GRIN2B: variants seen among roughly 807,000 people sequenced by gnomAD.
GRIN2B encodes the protein glutamate ionotropic receptor NMDA type subunit 2B.
Under a neutral mutation model 114.5 loss-of-function variants are expected in GRIN2B, and 5 were observed. That is an observed-to-expected ratio of 0.04 (90% CI 0.02 to 0.09). GRIN2B has a LOEUF of 0.09. Among genes scored for constraint, GRIN2B ranks in the 10% least tolerant of loss-of-function variants. GRIN2B has a pLI of 1.00. For synonymous variants in GRIN2B, 787 were observed against 745.1 expected (o/e 1.06, Z -0.92); for missense variants, 1,108 against 1,943.5 (o/e 0.57, Z 8.08).
intron 5 of GRIN2B, among the ~76,000 whole-genome samples, chr12:13,654,475 T>A (rs1279855309): frequency 6.6e-6 from 1 of 152,164 alleles, no homozygotes; most frequent in East Asian, 1.9e-4. Context: ...AGAAACCCAT[T>A]GCTGACTCTG....
chr12:13,972,873 G>A (rs1369705205), intron 2 of GRIN2B, among the ~76,000 whole-genome samples: 4 of 152,156 alleles, frequency 2.6e-5, no homozygotes, highest in Non-Finnish European at 4.4e-5. Flanking sequence ...ACTATATTTG[G>A]TAGGTAAGTC....
chr12:13,900,331 T>C (rs1231167425), intron 2 of GRIN2B, among the ~76,000 whole-genome samples: 1 of 151,702 alleles, frequency 6.6e-6, no homozygotes, highest in Non-Finnish European at 1.5e-5. Flanking sequence ...AAAAATTAGC[T>C]GGTCATGGTG....
chr12:13,964,284 A>G (rs1867750505), intron 2 of GRIN2B, among the ~76,000 whole-genome samples: 1 of 152,152 alleles, frequency 6.6e-6, no homozygotes, highest in South Asian at 2.1e-4. Context: ...AGACACCATC[A>G]ATTCTGCCTT....
chr12:13,602,260 A>T (rs952469183), intron 10 of GRIN2B, among the ~76,000 whole-genome samples: 1 of 152,098 alleles, frequency 6.6e-6, no homozygotes, highest in Non-Finnish European at 1.5e-5. Flanking sequence ...GGCCAAGAGG[A>T]CTCCCATGCA....
intron 2 of GRIN2B, among the ~76,000 whole-genome samples, chr12:13,949,380 G>A (rs1442663150): frequency 6.6e-6 from 1 of 152,140 alleles, no homozygotes. Flanking sequence ...ATCAAAGGCA[G>A]AAACTTTCCT....
intron 2 of GRIN2B, among the ~76,000 whole-genome samples, chr12:13,872,667 T>C (rs568394401): frequency 4.6e-5 from 7 of 152,212 alleles, no homozygotes; most frequent in Middle Eastern, 3.4e-3. Flanking sequence ...CTAAGGGAAA[T>C]ATATATGATA....
intron 3 of GRIN2B, among the ~76,000 whole-genome samples, chr12:13,864,709 G>A (rs1055185281): frequency 2.0e-5 from 3 of 152,192 alleles, no homozygotes; most frequent in African/African-American, 7.2e-5. Context: ...TAGGGAATAA[G>A]CCCCAGTGTC....
intron 5 of GRIN2B, among the ~76,000 whole-genome samples, chr12:13,646,465 T>A (rs1193199670): frequency 6.6e-6 from 1 of 152,188 alleles, no homozygotes; most frequent in African/African-American, 2.4e-5. Context: ...CACACTGGGT[T>A]ACTGCCCTGT....
chr12:13,571,740 C>A, intron 11 of GRIN2B, 64 bp downstream of exon 11: 1 of 1,535,748 alleles, frequency 6.5e-7, no homozygotes, highest in Non-Finnish European at 9.0e-7. Context: ...GCATGTGATT[C>A]AATAGTATGC....
rs1406846741 is a variant in GRIN2B, at chr12:13,898,936, TACTACTACCACTATTACA to T, written c.-18-32728_-18-32711del. Among the ~76,000 whole-genome samples, 22 of 152,246 alleles carry T rather than the reference TACTACTACCACTATTACA, an allele frequency of 1.4e-4. No homozygotes were observed. In the East Asian group the frequency reaches 4.0e-3, roughly 28 times the overall value. On this transcript the variant is annotated intron_variant, in intron 2 of 13. Transcript: ENST00000609686. ...AAATAATAATAATAGCAACAACTAT[TACTACTACCACTATTACA>T]ACTACTACCACTACCAATTACTGAG...
intron 4 of GRIN2B, among the ~76,000 whole-genome samples, chr12:13,735,903 T>C (rs1015751182): frequency 2.6e-5 from 4 of 151,432 alleles, no homozygotes; most frequent in Admixed American, 6.6e-5. Flanking sequence ...CAGGATTTTT[T>C]TTTTTGGAAA....
chr12:13,752,550 AAAT>A (rs1314103477), intron 4 of GRIN2B, among the ~76,000 whole-genome samples: 1 of 152,196 alleles, frequency 6.6e-6, no homozygotes, highest in Non-Finnish European at 1.5e-5. Flanking sequence ...AGTTTTATAC[AAAT>A]AATAAAACCA....
chr12:13,730,346 A>G (rs1350871372), intron 4 of GRIN2B, among the ~76,000 whole-genome samples: 1 of 152,220 alleles, frequency 6.6e-6, no homozygotes, highest in Non-Finnish European at 1.5e-5. Flanking sequence ...TAGCCCAATA[A>G]AACAAGCAAA....
At chr12:13,636,320 C>G (rs375120246) in intron 5 of GRIN2B, among the ~76,000 whole-genome samples, 1 of 152,262 alleles carries the variant, frequency 6.6e-6, no homozygotes, top group African/African-American at 2.4e-5. Context: ...AGGGAGGACA[C>G]AGACCATGCT....
intron 4 of GRIN2B, among the ~76,000 whole-genome samples, chr12:13,704,609 A>T (rs1950342459): frequency 6.6e-6 from 1 of 151,976 alleles, no homozygotes; most frequent in African/African-American, 2.4e-5. Flanking sequence ...CCCAAATCCT[A>T]TTGGCACCAT....
chr12:13,953,125 G>T (rs1228640728), intron 2 of GRIN2B, among the ~76,000 whole-genome samples: 1 of 151,804 alleles, frequency 6.6e-6, no homozygotes, highest in African/African-American at 2.4e-5. Context: ...GCTCAGCCAG[G>T]ACCACTGACC....
At chr12:13,594,319 A>G (rs1453915572) in intron 10 of GRIN2B, among the ~76,000 whole-genome samples, 3 of 152,210 alleles carry the variant, frequency 2.0e-5, no homozygotes, top group African/African-American at 4.8e-5. Flanking sequence ...TGTGGCACAT[A>G]TATACCATGG....
intron 2 of GRIN2B, among the ~76,000 whole-genome samples, chr12:13,947,713 A>AC (rs958369520): frequency 2.0e-5 from 3 of 152,096 alleles, no homozygotes; most frequent in Non-Finnish European, 4.4e-5. Context: ...ATCTGATAGG[A>AC]CCCCACCTTT....
At chr12:13,579,860 T>C (rs1320997964) in intron 10 of GRIN2B, among the ~76,000 whole-genome samples, 1 of 152,148 alleles carries the variant, frequency 6.6e-6, no homozygotes, top group Non-Finnish European at 1.5e-5. Flanking sequence ...ACATATAAAT[T>C]TCCTGAAAGG....
Sources: allele counts gnomAD v4.1 joint callset (sites outside exome capture counted in the v4.1 genomes callset), GRCh38; gene constraint gnomAD v4.1.1; transcripts MANE v1.5; gene names NCBI Gene and HGNC (gene_info 2026-07-23, HGNC 2026-07-21).